Variants in DIAPH3 observed in about 807,000 individuals in gnomAD.
DIAPH3 encodes diaphanous related formin 3.
Under a neutral mutation model 144.3 loss-of-function variants are expected in DIAPH3, and 117 were observed. That is an observed-to-expected ratio of 0.81 (90% confidence interval 0.70 to 0.95). The LOEUF (loss-of-function observed/expected upper bound fraction) is 0.95, where lower values mean the gene tolerates loss of function less well. Among genes scored for constraint, DIAPH3 ranks in the 40% least tolerant of loss-of-function variants. The pLI is 0.00. For synonymous variants in DIAPH3, 519 were observed against 488.9 expected (o/e 1.06, Z -0.81); for missense variants, 1,421 against 1,412.7 (o/e 1.01, Z -0.09).
At chr13:60,013,066 T>C (rs11843015) in intron 7 of DIAPH3, 12,738 of 985,342 alleles carry the variant, frequency 0.013, 198 homozygotes, top group East Asian at 0.1. Flanking sequence ...CGGATTAAAG[T>C]GCATTTAATG....
At chr13:60,044,834 G>A (rs2068266534) in intron 4 of DIAPH3, among the ~76,000 whole-genome samples, 1 of 152,110 alleles carries the variant, frequency 6.6e-6, no homozygotes, top group Admixed American at 6.6e-5. Context: ...ACTGAATCAT[G>A]AGGACGGTTA....
intron 4 of DIAPH3, among the ~76,000 whole-genome samples, chr13:60,078,415 G>A (rs1443659908): frequency 6.6e-6 from 1 of 152,090 alleles, no homozygotes; most frequent in Non-Finnish European, 1.5e-5. Flanking sequence ...AAGTGGGCAA[G>A]GTGGAGGTCA....
intron 27 of DIAPH3, among the ~76,000 whole-genome samples, chr13:59,751,229 T>C (rs368064203): frequency 7.3e-4 from 111 of 152,266 alleles, no homozygotes; most frequent in African/African-American, 2.2e-3. Context: ...CTGAGAAGAG[T>C]GTACTGCGTT....
intron 27 of DIAPH3, among the ~76,000 whole-genome samples, chr13:59,721,966 G>T (rs2035367075): frequency 6.6e-6 from 1 of 152,170 alleles, no homozygotes; most frequent in East Asian, 1.9e-4. Context: ...TCTTTCAGAA[G>T]CTGGGCTTTA....
chr13:59,799,779 C>G (rs1351151351), intron 25 of DIAPH3, among the ~76,000 whole-genome samples: 1 of 152,122 alleles, frequency 6.6e-6, no homozygotes, highest in African/African-American at 2.4e-5. Context: ...TTTTTTTGAA[C>G]ATGGTTAATT....
intron 24 of DIAPH3, among the ~76,000 whole-genome samples, chr13:59,811,595 G>A (rs2040477450): frequency 6.6e-6 from 1 of 151,854 alleles, no homozygotes; most frequent in African/African-American, 2.4e-5. Flanking sequence ...AAATTAGCTG[G>A]GTGTGGTGGC....
intron 5 of DIAPH3, among the ~76,000 whole-genome samples, chr13:60,031,378 A>G (rs1057168601): frequency 6.6e-5 from 10 of 152,156 alleles, no homozygotes; most frequent in Non-Finnish European, 1.5e-4. Flanking sequence ...ACAATTCACC[A>G]TGAGATTTGG....
At chr13:60,001,643 C>T (rs538210878) in intron 9 of DIAPH3, among the ~76,000 whole-genome samples, 1 of 152,326 alleles carries the variant, frequency 6.6e-6, no homozygotes, top group South Asian at 2.1e-4. Context: ...GTACACCTTT[C>T]AAGACTATTT....
intron 3 of DIAPH3, among the ~76,000 whole-genome samples, chr13:60,099,058 T>A (rs1044919520): frequency 6.6e-6 from 1 of 152,202 alleles, no homozygotes; most frequent in African/African-American, 2.4e-5. Flanking sequence ...AAAATTTTAA[T>A]CTCTCTGAAG....
chr13:59,861,421 T>C lies in DIAPH3; in HGVS notation c.2723A>G (p.Asp908Gly), dbSNP rs1308198264. Residue 908 changes from aspartate (D) to glycine (G), a missense_variant, in exon 22 of 28, where the codon GAC (aspartate) becomes GGC (glycine). Physicochemically the swap from Asp to Gly is moderately conservative, Grantham distance 94. Transcript: ENST00000400324. The part of the protein sequence containing the change: ...LNFVDDLEPL[D>G]KASKVSVETL... ...AAGGCACAAACCTTTACTAGCTTTG[T>C]CTAAAGGTTCCAAATCATCCACAAA... The C allele has an allele frequency of 3.1e-6, 5 of 1,613,836 alleles. No homozygotes were observed. In the East Asian group the frequency reaches 1.1e-4, roughly 36 times the overall value.
At position 59,890,841 on chromosome 13, in the gene DIAPH3, A is replaced by C. The variant is rs531895944; in HGVS notation, c.2368-11373T>G. Among the ~76,000 whole-genome samples, 26 of 151,938 alleles carry C rather than the reference A, an allele frequency of 1.7e-4. No individual in the cohort carries two copies. In the South Asian group the frequency reaches 4.2e-3, roughly 24 times the overall value. On this transcript the variant is annotated intron_variant, in intron 20 of 27. Transcript: ENST00000400324. ...TATAACCTATTTTCACCAAATTTTC[A>C]CATTTGTATCAACAGAGATAGCACA...
At chr13:59,847,367 G>T (rs1026124424) in intron 22 of DIAPH3, among the ~76,000 whole-genome samples, 1 of 152,200 alleles carries the variant, frequency 6.6e-6, no homozygotes, top group Non-Finnish European at 1.5e-5. Flanking sequence ...TAGAGGAAAT[G>T]AATACAACCA....
At chr13:59,685,439 A>AAT (rs2033163939) in intron 27 of DIAPH3, among the ~76,000 whole-genome samples, 1 of 152,102 alleles carries the variant, frequency 6.6e-6, no homozygotes, top group South Asian at 2.1e-4. Flanking sequence ...CTGGCTATCA[A>AAT]ATATAGGTCT....
chr13:60,138,785 G>GAGGGAAGAGGGAAGAGGGAAGA (rs1555383954), intron 1 of DIAPH3, among the ~76,000 whole-genome samples: 10 of 76,028 alleles, frequency 1.3e-4, no homozygotes, highest in Non-Finnish European at 2.0e-4. Context: ...AGGAGAAGAA[G>GAGGGAAGAGGGAAGAGGGAAGA]GGGAAGAGGG....
chr13:59,958,561 G>A lies in DIAPH3; in HGVS notation c.2074+11383C>T, dbSNP rs902447894. On this transcript the variant is annotated intron_variant, in intron 17 of 27. Coordinates refer to ENST00000400324, the MANE Select transcript of DIAPH3 (RefSeq NM_001042517.2). Reference sequence around the variant, plus strand: ...GTTTTTAAATGCCAATGGCTCTTTAGGTTTATAGAAAGTATTTCCAGGTTT... The same window carrying A: ...GTTTTTAAATGCCAATGGCTCTTTAAGTTTATAGAAAGTATTTCCAGGTTT... 2.6e-5 allele frequency among the ~76,000 whole-genome samples: 4 copies of A among 151,874 alleles called. No individual in the cohort carries two copies. In the East Asian group the frequency reaches 7.7e-4, roughly 29 times the overall value.
intron 4 of DIAPH3, among the ~76,000 whole-genome samples, chr13:60,084,220 G>C (rs1212353984): frequency 2.0e-5 from 3 of 151,998 alleles, no homozygotes; most frequent in African/African-American, 7.2e-5. Flanking sequence ...CAGATGGAGG[G>C]CTTTCCAGGA....
intron 25 of DIAPH3, among the ~76,000 whole-genome samples, chr13:59,785,920 AC>A (rs2039009595): frequency 6.6e-6 from 1 of 151,948 alleles, no homozygotes; most frequent in South Asian, 2.1e-4. Flanking sequence ...ATATGTTACC[AC>A]CTCCTTCTTC....
intron 3 of DIAPH3, among the ~76,000 whole-genome samples, chr13:60,098,298 T>C (rs1270269078): frequency 6.6e-6 from 1 of 152,114 alleles, no homozygotes; most frequent in Non-Finnish European, 1.5e-5. Flanking sequence ...TGGTGGATTC[T>C]CACTTCACCC....
At chr13:59,965,726 G>T (rs1366573390) in intron 17 of DIAPH3, among the ~76,000 whole-genome samples, 1 of 152,066 alleles carries the variant, frequency 6.6e-6, no homozygotes, top group Non-Finnish European at 1.5e-5. Flanking sequence ...ATCAGCATTT[G>T]TTATTCCACT....
Sources: gnomAD v4.1 joint callset for allele counts (sites outside exome capture counted in the v4.1 genomes callset) on GRCh38, gnomAD v4.1.1 for gene constraint, MANE v1.5 for transcripts, NCBI Gene and HGNC (gene_info 2026-07-23, HGNC 2026-07-21) for gene names.